BARD1: variants seen among roughly 807,000 people sequenced by gnomAD.
BARD1 encodes the protein BRCA1 associated RING domain 1.
Under a neutral mutation model 77.0 loss-of-function variants are expected in BARD1, and 73 were observed. That is an observed-to-expected ratio of 0.95 (90% CI 0.79 to 1.15). BARD1 has a LOEUF of 1.15. Ranked by LOEUF, BARD1 falls within the 50% of genes most tolerant of loss-of-function variation. The probability of loss-of-function intolerance (pLI) is 0.00; values close to 1 mark genes in which losing one functional copy is unlikely to be tolerated. For synonymous variants in BARD1, 384 were observed against 338.0 expected, an observed-to-expected ratio of 1.14 and a Z score of -1.49; for missense variants, 993 against 938.8, an observed-to-expected ratio of 1.06 and a Z score of -0.75.
intron 10 of BARD1, chr2:214,730,134 CTT>C: frequency 2.2e-6 from 1 of 457,072 alleles, no homozygotes; most frequent in South Asian, 2.2e-5. Context: ...TGTAAGTCTT[CTT>C]TCAAGCTACT....
intron 4 of BARD1, among the ~76,000 whole-genome samples, chr2:214,770,337 A>G (rs1435001709): frequency 6.6e-6 from 1 of 152,198 alleles, no homozygotes; most frequent in Non-Finnish European, 1.5e-5. Context: ...GTGGTTTTCA[A>G]TTTCTCTATT....
At chr2:214,763,876 G>A (rs1047041793) in intron 6 of BARD1, among the ~76,000 whole-genome samples, 2 of 152,134 alleles carry the variant, frequency 1.3e-5, no homozygotes, top group African/African-American at 2.4e-5. Flanking sequence ...AGAAATGGAG[G>A]AAAGGGCAGG....
chr2:214,734,675 T>A (rs1000425630), intron 9 of BARD1, among the ~76,000 whole-genome samples: 7 of 152,222 alleles, frequency 4.6e-5, no homozygotes, highest in African/African-American at 1.7e-4. Context: ...ACCAATCCAA[T>A]GCTAAAAATC....
At chr2:214,760,920 G>A (rs1034245076) in intron 6 of BARD1, among the ~76,000 whole-genome samples, 4 of 151,036 alleles carry the variant, frequency 2.6e-5, no homozygotes, top group African/African-American at 4.9e-5. Flanking sequence ...GACTACAGGC[G>A]CCCACCACCA....
rs547156907 is a variant in BARD1, at chr2:214,807,097, C to T, written c.158+2315G>A. 3.8e-4 allele frequency among the ~76,000 whole-genome samples: 58 copies of T among 151,940 alleles called. 1 individual carries two copies. Among genetic ancestry groups the T allele is most frequent in the African/African-American group, 1.3e-3 (53 of 41,456 alleles). Reference sequence around the variant, plus strand: ...AATAAATAAGAACAAAAACTATTTGCGGGCAGAAAGGCCTAAAATATTAAT... The same window carrying T: ...AATAAATAAGAACAAAAACTATTTGTGGGCAGAAAGGCCTAAAATATTAAT... On this transcript the variant is annotated intron_variant, in intron 1 of 10. Transcript: ENST00000260947.
At chr2:214,771,520 G>T (rs1274609870) in intron 4 of BARD1, among the ~76,000 whole-genome samples, 6 of 151,942 alleles carry the variant, frequency 3.9e-5, no homozygotes, top group Admixed American at 3.3e-4. Flanking sequence ...ATGAGGTCAG[G>T]AGTTTGAGAT....
chr2:214,753,589 A>G (rs893196945), intron 6 of BARD1, among the ~76,000 whole-genome samples: 2 of 152,148 alleles, frequency 1.3e-5, no homozygotes, highest in Admixed American at 1.3e-4. Flanking sequence ...ATCTGGAAGG[A>G]AACAGAGAGA....
chr2:214,750,367 T>C (rs1693349920), intron 7 of BARD1, among the ~76,000 whole-genome samples: 1 of 152,170 alleles, frequency 6.6e-6, no homozygotes, highest in South Asian at 2.1e-4. Context: ...TCAGGGAATT[T>C]AAGGCTTTTC....
chr2:214,809,198 A>T (rs1574868154), intron 1 of BARD1, among the ~76,000 whole-genome samples: 1 of 152,216 alleles, frequency 6.6e-6, no homozygotes, highest in African/African-American at 2.4e-5. Context: ...AGTTGGATTC[A>T]GGGCAAGGGG....
At chr2:214,807,127 T>C (rs978553285) in intron 1 of BARD1, among the ~76,000 whole-genome samples, 3 of 152,000 alleles carry the variant, frequency 2.0e-5, no homozygotes, top group African/African-American at 7.3e-5. Context: ...ATTAATTACC[T>C]GGCCCTTTAC....
At chr2:214,754,426 A>C (rs1693602185) in intron 6 of BARD1, among the ~76,000 whole-genome samples, 1 of 152,040 alleles carries the variant, frequency 6.6e-6, no homozygotes, top group South Asian at 2.1e-4. Flanking sequence ...ACCTCAAAAA[A>C]ATAAAATCTA....
Position 214,726,092 on chromosome 2 carries a change from A to G in BARD1, c.*2584T>C, listed in dbSNP as rs955324157. 4.6e-6 allele frequency: 1 copy of G among 219,066 alleles called. No individual in the cohort carries two copies. The highest frequency in any genetic ancestry group is 2.2e-5 in the African/African-American group (1 of 44,562). 13.6% of individuals were successfully genotyped at this position (219,066 alleles called of 1,614,324 possible). A position where few individuals can be genotyped will look rare whatever the true frequency, so the allele number is the denominator to read the frequency against. On this transcript the variant is annotated 3_prime_UTR_variant, in exon 11 of 11. Coordinates refer to ENST00000260947, the MANE Select transcript of BARD1 (RefSeq NM_000465.4). ...AAATAAAGGAAAAATTCTATTTACT[A>G]AAATTCAAGTAGCTAAACTATCTTT...
At position 214,781,012 on chromosome 2, in the gene BARD1, ACT is replaced by A. The variant is rs786201868; in HGVS notation, c.860_861del (p.Glu287ValfsTer5). On this transcript the variant is annotated frameshift_variant, in exon 4 of 11. Transcript: ENST00000260947. LOFTEE classifies it high-confidence loss of function. Reference sequence around the variant, plus strand: ...TCATTCCTGCTCTTAGTGTCTGGAGACTCTATTTGCTCAGCCAATGGTAAAGA... The same window carrying A: ...TCATTCCTGCTCTTAGTGTCTGGAGACTATTTGCTCAGCCAATGGTAAAGA... Reference protein sequence around the residue: ...EVSLPLAEQIESPDTKSRNEV... With the variant: ...EVSLPLAEQIXSPDTKSRNEV... 3 of 1,612,534 alleles carry A rather than the reference ACT, an allele frequency of 1.9e-6. No individual in the cohort carries two copies. The highest frequency in any genetic ancestry group is 2.5e-6 in the Non-Finnish European group (3 of 1,179,310).
intron 7 of BARD1, among the ~76,000 whole-genome samples, chr2:214,751,595 C>T (rs1223232044): frequency 6.6e-6 from 1 of 152,138 alleles, no homozygotes; most frequent in African/African-American, 2.4e-5. Flanking sequence ...CCCTGCTAAG[C>T]TATGGGTTCC....
chr2:214,757,374 C>A (rs541079694), intron 6 of BARD1, among the ~76,000 whole-genome samples: 1 of 150,764 alleles, frequency 6.6e-6, no homozygotes, highest in South Asian at 2.1e-4. Context: ...TTTATAAAAT[C>A]TTTAAAGATA....
intron 10 of BARD1, among the ~76,000 whole-genome samples, chr2:214,729,532 C>T (rs1692256433): frequency 6.6e-6 from 1 of 152,102 alleles, no homozygotes; most frequent in African/African-American, 2.4e-5. Flanking sequence ...AATACTTAGG[C>T]AAATAGGGGC....
At chr2:214,739,157 G>C (rs79141081) in intron 9 of BARD1, among the ~76,000 whole-genome samples, 2 of 151,600 alleles carry the variant, frequency 1.3e-5, no homozygotes, top group African/African-American at 2.4e-5. Flanking sequence ...AAAAAGGGTT[G>C]TTATTATTCT....
At chr2:214,767,001 G>A (rs1250095544) in intron 6 of BARD1, among the ~76,000 whole-genome samples, 1 of 151,956 alleles carries the variant, frequency 6.6e-6, no homozygotes, top group Non-Finnish European at 1.5e-5. Flanking sequence ...GTAGACTCTG[G>A]TGTCTGTTGT....
chr2:214,798,772 GAAAA>G (rs10707828), intron 1 of BARD1, among the ~76,000 whole-genome samples: 7 of 127,496 alleles, frequency 5.5e-5, no homozygotes, highest in African/African-American at 1.7e-4. Flanking sequence ...ATTAAAAAAA[GAAAA>G]AAAAAAAAAA....
Sources: gnomAD v4.1 joint callset for allele counts (sites outside exome capture counted in the v4.1 genomes callset) on GRCh38, gnomAD v4.1.1 for gene constraint, MANE v1.5 for transcripts, NCBI Gene and HGNC (gene_info 2026-07-23, HGNC 2026-07-21) for gene names.